CNTNAP4: variants seen among roughly 807,000 people sequenced by gnomAD.
CNTNAP4 encodes the protein contactin associated protein family member 4.
A neutral mutation model predicts 148.4 loss-of-function variants in CNTNAP4; 98 were observed. That is an observed-to-expected ratio of 0.66 (90% CI 0.56 to 0.78). The LOEUF (loss-of-function observed/expected upper bound fraction) is 0.78. Among genes scored for constraint, CNTNAP4 ranks in the 30% least tolerant of loss-of-function variants. The pLI is 0.00. For missense variants in CNTNAP4, 1,935 were observed against 1,565.6 expected, an observed-to-expected ratio of 1.24 and a Z score of -3.98; for synonymous variants, 730 against 565.1, an observed-to-expected ratio of 1.29 and a Z score of -4.14.
intron 3 of CNTNAP4, among the ~76,000 whole-genome samples, chr16:76,373,428 C>T (rs2015076628): frequency 6.6e-6 from 1 of 152,116 alleles, no homozygotes; most frequent in Non-Finnish European, 1.5e-5. Context: ...ATAAGTCATA[C>T]CTCTAAATTG....
At chr16:76,440,151 T>C (rs1323899620) in intron 4 of CNTNAP4, among the ~76,000 whole-genome samples, 1 of 152,136 alleles carries the variant, frequency 6.6e-6, no homozygotes, top group Non-Finnish European at 1.5e-5. Flanking sequence ...CCCTTTCCAG[T>C]TGATGAAATA....
intron 8 of CNTNAP4, among the ~76,000 whole-genome samples, chr16:76,460,642 A>T (rs1228516314): frequency 1.4e-5 from 2 of 146,978 alleles, no homozygotes; most frequent in African/African-American, 2.5e-5. Flanking sequence ...AAGCGCCTGT[A>T]GTCCCAGCTA....
At chr16:76,538,425 C>T in intron 19 of CNTNAP4, 85 bp downstream of exon 19, 2 of 1,048,614 alleles carry the variant, frequency 1.9e-6, no homozygotes, top group Non-Finnish European at 2.8e-6. Context: ...GTTCTGGCTT[C>T]TCAAGCTACA....
At chr16:76,439,118 T>G (rs1225241457) in intron 4 of CNTNAP4, among the ~76,000 whole-genome samples, 1 of 152,140 alleles carries the variant, frequency 6.6e-6, no homozygotes, top group East Asian at 1.9e-4. Flanking sequence ...GGAGCATCCT[T>G]GAGGCCAGGT....
intron 3 of CNTNAP4, among the ~76,000 whole-genome samples, chr16:76,368,372 A>G (rs934408962): frequency 1.3e-4 from 20 of 152,200 alleles, no homozygotes; most frequent in Admixed American, 1.0e-3. Flanking sequence ...AGATACATGC[A>G]CACGTATGTT....
At chr16:76,335,173 G>A (rs1963911008) in intron 2 of CNTNAP4, among the ~76,000 whole-genome samples, 2 of 152,156 alleles carry the variant, frequency 1.3e-5, no homozygotes, top group South Asian at 4.1e-4. Flanking sequence ...CTGCATGACA[G>A]TTTGCTGGTT....
chr16:76,310,921 A>G (rs1053464748), intron 1 of CNTNAP4, among the ~76,000 whole-genome samples: 1 of 152,048 alleles, frequency 6.6e-6, no homozygotes, highest in Non-Finnish European at 1.5e-5. Context: ...CCTATTAGTC[A>G]TGGGTCCTTA....
At chr16:76,486,064 G>A (rs1036447286) in intron 12 of CNTNAP4, among the ~76,000 whole-genome samples, 1 of 152,120 alleles carries the variant, frequency 6.6e-6, no homozygotes, top group South Asian at 2.1e-4. Context: ...GCCAGCCTAA[G>A]GTAAATCCAG....
intron 1 of CNTNAP4, among the ~76,000 whole-genome samples, chr16:76,292,494 C>T (rs893536016): frequency 6.6e-6 from 1 of 152,182 alleles, no homozygotes; most frequent in African/African-American, 2.4e-5. Context: ...ATCTTCCCTA[C>T]ATGTGTTCCT....
At chr16:76,381,778 C>T (rs1450321666) in intron 3 of CNTNAP4, among the ~76,000 whole-genome samples, 1 of 151,856 alleles carries the variant, frequency 6.6e-6, no homozygotes, top group East Asian at 1.9e-4. Flanking sequence ...AGAAAGTTAC[C>T]TGCCGGGTGC....
chr16:76,375,509 T>C (rs903322993), intron 3 of CNTNAP4, among the ~76,000 whole-genome samples: 1 of 152,188 alleles, frequency 6.6e-6, no homozygotes, highest in Non-Finnish European at 1.5e-5. Context: ...TCTTTTGTCA[T>C]GTAGGAAAGC....
intron 2 of CNTNAP4, among the ~76,000 whole-genome samples, chr16:76,329,748 T>C (rs1597213648): frequency 6.6e-6 from 1 of 152,288 alleles, no homozygotes; most frequent in East Asian, 1.9e-4. Context: ...ATATAATTAA[T>C]AGTAACAGTA....
At chr16:76,309,892 C>G (rs955566382) in intron 1 of CNTNAP4, 1 of 701,894 alleles carries the variant, frequency 1.4e-6, no homozygotes, top group African/African-American at 1.7e-5. Flanking sequence ...GAGGCCTTCC[C>G]AGCTATGTGG....
intron 17 of CNTNAP4, among the ~76,000 whole-genome samples, chr16:76,528,681 A>G (rs2083845480): frequency 6.6e-6 from 1 of 152,236 alleles, no homozygotes; most frequent in Non-Finnish European, 1.5e-5. Context: ...AGCCGGTCAT[A>G]AAGTGTGTTC....
rs866177066 is a variant in CNTNAP4 at position 76,513,361 on chromosome 16, G to C, written c.2366-7779G>C. Among the ~76,000 whole-genome samples, 6 of 152,226 alleles carry C rather than the reference G, an allele frequency of 3.9e-5. No homozygotes were observed. In the South Asian group the frequency reaches 1.2e-3, roughly 32 times the overall value. ...CCTCTAAGAGCATGGGACAGTGAAG[G>C]CATGAAGGAAATATAGTGTGATCGC... On this transcript the variant is annotated intron_variant, in intron 15 of 23. Transcript: ENST00000611870.
chr16:76,481,744 C>A (rs12918695), intron 12 of CNTNAP4, among the ~76,000 whole-genome samples: 65,097 of 151,908 alleles, frequency 0.43, 13,950 homozygotes, highest in Admixed American at 0.44. Flanking sequence ...AGATTTGGTA[C>A]TTAAAATTGA....
At chr16:76,417,702 C>T (rs751536655) in intron 3 of CNTNAP4, among the ~76,000 whole-genome samples, 45 of 151,570 alleles carry the variant, frequency 3.0e-4, no homozygotes, top group Non-Finnish European at 5.2e-4. Context: ...ATCTTCCTTT[C>T]TCAATGTAGA....
intron 17 of CNTNAP4, among the ~76,000 whole-genome samples, chr16:76,525,485 ATAAC>A (rs1055047520): frequency 6.7e-6 from 1 of 148,258 alleles, no homozygotes; most frequent in African/African-American, 2.4e-5. Context: ...AAATATATAT[ATAAC>A]TATATATAGT....
At chr16:76,298,763 G>T (rs577550036) in intron 1 of CNTNAP4, among the ~76,000 whole-genome samples, 21 of 152,212 alleles carry the variant, frequency 1.4e-4, no homozygotes, top group African/African-American at 4.8e-4. Flanking sequence ...TTATCAAGGG[G>T]CACATTTCCT....
Sources: allele counts gnomAD v4.1 joint callset (sites outside exome capture counted in the v4.1 genomes callset), GRCh38; gene constraint gnomAD v4.1.1; transcripts MANE v1.5; gene names NCBI Gene and HGNC (gene_info 2026-07-23, HGNC 2026-07-21).